Variants in KCNMB2 observed in about 807,000 individuals in gnomAD.
KCNMB2 encodes the protein potassium calcium-activated channel subfamily M regulatory beta subunit 2.
In KCNMB2, 9 loss-of-function variants were observed where a neutral mutation model predicts 24.5. The observed-to-expected ratio is 0.37, with a 90% CI of 0.22 to 0.64. The LOEUF (loss-of-function observed/expected upper bound fraction) is 0.64, where lower values mean the gene tolerates loss of function less well. KCNMB2 is among the 30% of genes least tolerant of loss of function. The pLI is 0.63. For missense variants in KCNMB2, 226 were observed against 284.3 expected (o/e 0.79, Z 1.47); for synonymous variants, 109 against 104.4 (o/e 1.04, Z -0.27).
intron 1 of KCNMB2, among the ~76,000 whole-genome samples, chr3:178,600,543 G>C (rs1053807885): frequency 6.6e-6 from 1 of 152,124 alleles, no homozygotes; most frequent in African/African-American, 2.4e-5. Context: ...ATAAAAAGCA[G>C]CTTTATCTAT....
intron 1 of KCNMB2, among the ~76,000 whole-genome samples, chr3:178,783,469 G>A (rs879661215): frequency 6.8e-4 from 102 of 151,042 alleles, no homozygotes; most frequent in Non-Finnish European, 1.2e-3. Context: ...TTATTTCCTT[G>A]AGCAGTGGTT....
At chr3:178,690,010 T>A (rs1721612011) in intron 1 of KCNMB2, among the ~76,000 whole-genome samples, 1 of 152,242 alleles carries the variant, frequency 6.6e-6, no homozygotes, top group African/African-American at 2.4e-5. Context: ...AATAGTGTGA[T>A]ATATTAAAAT....
chr3:178,555,670 G>T (rs992746922), intron 1 of KCNMB2, among the ~76,000 whole-genome samples: 1 of 152,178 alleles, frequency 6.6e-6, no homozygotes, highest in African/African-American at 2.4e-5. Flanking sequence ...CCCAGGGTGA[G>T]AAAGAATGGG....
chr3:178,602,051 C>T (rs899077), intron 1 of KCNMB2, among the ~76,000 whole-genome samples: 119,897 of 152,070 alleles, frequency 0.79, 47,733 homozygotes, highest in African/African-American at 0.91. Flanking sequence ...ACTGCCTTGA[C>T]ATGATAGAGG....
intron 1 of KCNMB2, among the ~76,000 whole-genome samples, chr3:178,587,248 T>C (rs921724427): frequency 6.6e-6 from 1 of 152,160 alleles, no homozygotes; most frequent in Non-Finnish European, 1.5e-5. Context: ...TTAAGATATC[T>C]TCATTTATTC....
Position 178,655,094 on chromosome 3 carries a change from C to CT in KCNMB2, c.-68+118383_-68+118384insT, listed in dbSNP as rs1491484494. Among the ~76,000 whole-genome samples the CT allele has an allele frequency of 8.0e-4, 93 of 116,440 alleles. 1 individual carries two copies. Among genetic ancestry groups the CT allele is most frequent in the African/African-American group, 2.3e-3 (58 of 25,686 alleles). 76.4% of individuals were successfully genotyped at this position (116,440 alleles called of 152,430 possible). A position where few individuals can be genotyped will look rare whatever the true frequency, so the allele number is the denominator to read the frequency against. On this transcript the variant is annotated intron_variant, in intron 1 of 4. Coordinates refer to ENST00000452583, the MANE Select transcript of KCNMB2 (RefSeq NM_181361.3). ...GTAAAGTTCAGTAAATATTAGCTCT[C>CT]CCTCTCTCTCTCTCTCTCTCTCTCT...
At chr3:178,541,792 T>C (rs749675502) in intron 1 of KCNMB2, among the ~76,000 whole-genome samples, 1 of 152,206 alleles carries the variant, frequency 6.6e-6, no homozygotes, top group African/African-American at 2.4e-5. Context: ...AAAGAATTAA[T>C]ATCAGTATGT....
chr3:178,799,555 A>G (rs1438667720), intron 1 of KCNMB2, among the ~76,000 whole-genome samples: 2 of 152,208 alleles, frequency 1.3e-5, no homozygotes, highest in East Asian at 3.8e-4. Context: ...AAGATATTCC[A>G]TAGTCACGGA....
At chr3:178,683,983 G>A (rs1211337445) in intron 1 of KCNMB2, among the ~76,000 whole-genome samples, 1 of 152,044 alleles carries the variant, frequency 6.6e-6, no homozygotes, top group East Asian at 1.9e-4. Context: ...ATGAGAAGTG[G>A]AGATACTCAC....
At chr3:178,728,293 A>C (rs1723029442) in intron 1 of KCNMB2, among the ~76,000 whole-genome samples, 1 of 152,156 alleles carries the variant, frequency 6.6e-6, no homozygotes, top group Non-Finnish European at 1.5e-5. Context: ...CTTTAGATCT[A>C]GCAGTCAGAG....
At chr3:178,762,941 A>G (rs1280615537) in intron 1 of KCNMB2, among the ~76,000 whole-genome samples, 1 of 152,072 alleles carries the variant, frequency 6.6e-6, no homozygotes, top group African/African-American at 2.4e-5. Context: ...TAGATACATA[A>G]ATAGTGTCAG....
chr3:178,826,705 T>C (rs928201272), intron 3 of KCNMB2, among the ~76,000 whole-genome samples: 2 of 152,246 alleles, frequency 1.3e-5, no homozygotes, highest in Non-Finnish European at 2.9e-5. Context: ...TGAAACCATT[T>C]TGTGGCATTT....
rs1185658954 is a variant in KCNMB2, at chr3:178,843,164, T to C, written c.*227T>C. ...TTGGTTGGTGGTTTTCATAATCTTA[T>C]TTCTGTACTGGAACTAGTACTTTCT... On this transcript the variant is annotated 3_prime_UTR_variant, in exon 5 of 5. Coordinates refer to ENST00000452583, the MANE Select transcript of KCNMB2 (RefSeq NM_181361.3). 1 of 615,376 alleles carries C rather than the reference T, an allele frequency of 1.6e-6. No homozygotes were observed. Among genetic ancestry groups the C allele is most frequent in the Non-Finnish European group, 3.0e-6 (1 of 330,708 alleles). 38.1% of individuals were successfully genotyped at this position (615,376 alleles called of 1,614,324 possible). A position where few individuals can be genotyped will look rare whatever the true frequency, so the allele number is the denominator to read the frequency against.
chr3:178,668,402 CT>C (rs2108579704), intron 1 of KCNMB2, among the ~76,000 whole-genome samples: 1 of 152,094 alleles, frequency 6.6e-6, no homozygotes, highest in African/African-American at 2.4e-5. Context: ...AGTGTAAGAG[CT>C]TTTTCTGCGA....
At chr3:178,749,611 A>G (rs955409145) in intron 1 of KCNMB2, among the ~76,000 whole-genome samples, 1 of 152,194 alleles carries the variant, frequency 6.6e-6, no homozygotes, top group Admixed American at 6.5e-5. Context: ...AGGGCAAGGA[A>G]GCTCAAGTCT....
chr3:178,645,540 C>T (rs1178345733), intron 1 of KCNMB2, among the ~76,000 whole-genome samples: 2 of 152,186 alleles, frequency 1.3e-5, no homozygotes, highest in South Asian at 2.1e-4. Context: ...AAGCTAGCTA[C>T]CTCTATGGGC....
chr3:178,629,320 A>G (rs1170314323), intron 1 of KCNMB2, among the ~76,000 whole-genome samples: 1 of 152,206 alleles, frequency 6.6e-6, no homozygotes, highest in Non-Finnish European at 1.5e-5. Context: ...GCAAGCAAGG[A>G]TAAACTAAAT....
At chr3:178,712,765 T>C (rs753697954) in intron 1 of KCNMB2, among the ~76,000 whole-genome samples, 6 of 152,186 alleles carry the variant, frequency 3.9e-5, no homozygotes, top group Non-Finnish European at 7.3e-5. Flanking sequence ...TCTGCCTCAA[T>C]CACAGTGCAA....
chr3:178,602,115 A>G (rs1481603395), intron 1 of KCNMB2, among the ~76,000 whole-genome samples: 5 of 152,180 alleles, frequency 3.3e-5, no homozygotes, highest in Non-Finnish European at 5.9e-5. Context: ...CACCACTCAG[A>G]TGACTTAGCT....
Sources: allele counts gnomAD v4.1 joint callset (sites outside exome capture counted in the v4.1 genomes callset), GRCh38; gene constraint gnomAD v4.1.1; transcripts MANE v1.5; gene names NCBI Gene and HGNC (gene_info 2026-07-23, HGNC 2026-07-21).